The following IQSEC1 variants were observed in gnomAD, a reference collection of about 807,000 sequenced individuals.
IQSEC1 encodes IQ motif and Sec7 domain ArfGEF 1.
A neutral mutation model predicts 91.0 loss-of-function variants in IQSEC1; 31 were observed. The ratio of observed to expected loss-of-function variants is 0.34; its 90% CI spans 0.26 to 0.46. The LOEUF (loss-of-function observed/expected upper bound fraction) is 0.46. IQSEC1 is among the 20% of genes least tolerant of loss of function. The pLI is 1.00. For synonymous variants in IQSEC1, 699 were observed against 662.6 expected (o/e 1.05, Z -0.84); for missense variants, 1,388 against 1,575.6 (o/e 0.88, Z 2.02).
At chr3:13,276,056 G>C (rs891761454) in intron 1 of IQSEC1, among the ~76,000 whole-genome samples, 1 of 147,314 alleles carries the variant, frequency 6.8e-6, no homozygotes, top group African/African-American at 2.5e-5. Flanking sequence ...AAAACATTGA[G>C]GGAAAACAAT....
chr3:13,102,820 C>T (rs531653161), intron 2 of IQSEC1, among the ~76,000 whole-genome samples: 59 of 152,156 alleles, frequency 3.9e-4, no homozygotes, highest in Non-Finnish European at 6.9e-4. Flanking sequence ...CTGAGCACAG[C>T]TCGTTCACGG....
At chr3:13,236,915 G>C (rs2125097539) in intron 1 of IQSEC1, among the ~76,000 whole-genome samples, 2 of 152,338 alleles carry the variant, frequency 1.3e-5, no homozygotes, top group South Asian at 4.1e-4. Context: ...CTCCAGCCAG[G>C]TTTTGAAGGC....
At chr3:12,978,943 G>A (rs1252503320) in intron 1 of IQSEC1, among the ~76,000 whole-genome samples, 2 of 152,292 alleles carry the variant, frequency 1.3e-5, no homozygotes, top group Middle Eastern at 3.4e-3. Context: ...GAAGTGGCAA[G>A]GGCAAAGGCT....
chr3:13,109,140 C>G (rs1255891732), intron 2 of IQSEC1, among the ~76,000 whole-genome samples: 2 of 152,228 alleles, frequency 1.3e-5, no homozygotes, highest in South Asian at 4.1e-4. Context: ...GGGTGGTGTA[C>G]AGGCATTACC....
Position 12,954,197 on chromosome 3 carries a change from C to T in IQSEC1, c.24-12332G>A, listed in dbSNP as rs1192113393. ...GTACCGTCAGCCTGCAGGGGCCAGGCCACACCCTCCACGGCTGCTGTGAGA... is the reference window on the plus strand; with the variant it reads ...GTACCGTCAGCCTGCAGGGGCCAGGTCACACCCTCCACGGCTGCTGTGAGA... On this transcript the variant is annotated intron_variant, in intron 1 of 13. Transcript: ENST00000613206. Among the ~76,000 whole-genome samples, 4 of 152,314 alleles carry T rather than the reference C, an allele frequency of 2.6e-5. No homozygotes were observed. In the East Asian group the frequency reaches 7.7e-4, roughly 29 times the overall value.
chr3:13,274,770 C>G (rs1293827984), intron 1 of IQSEC1, among the ~76,000 whole-genome samples: 1 of 152,258 alleles, frequency 6.6e-6, no homozygotes, highest in Non-Finnish European at 1.5e-5. Flanking sequence ...CCCAAGCACA[C>G]TGGCACCCAC....
In IQSEC1 at chr3:13,191,604, T is replaced by C. The variant is rs375995846; in HGVS notation, c.273-27471A>G. Among the ~76,000 whole-genome samples, 172 of 151,494 alleles carry C rather than the reference T, an allele frequency of 1.1e-3. 5 individuals carry two copies. In the South Asian group the frequency reaches 0.035, roughly 30 times the overall value. The stretch of plus-strand genomic sequence containing the variant: ...CACCTGCCTCTGCCTCTCAAAGTGC[T>C]GGGATTACAGGCAATTACAGTTTGC... On this transcript the variant is annotated intron_variant, in intron 1 of 15. Coordinates refer to the IQSEC1 transcript ENST00000648114.
intron 7 of IQSEC1, among the ~76,000 whole-genome samples, 188 bp from the exon 8 acceptor site, chr3:12,915,321 C>T (rs1335286814): frequency 1.3e-5 from 2 of 152,224 alleles, no homozygotes; most frequent in Admixed American, 1.3e-4. Context: ...GGAAAGCCTG[C>T]CAGTGTCGGG....
intron 2 of IQSEC1, among the ~76,000 whole-genome samples, chr3:13,137,769 G>A (rs1706734372): frequency 6.6e-6 from 1 of 152,190 alleles, no homozygotes; most frequent in Non-Finnish European, 1.5e-5. Context: ...CCTGCAGTCA[G>A]CTATGATCAT....
chr3:13,271,293 C>T (rs1328068479), intron 1 of IQSEC1, among the ~76,000 whole-genome samples: 1 of 152,018 alleles, frequency 6.6e-6, no homozygotes, highest in Non-Finnish European at 1.5e-5. Flanking sequence ...AGGAGAATGG[C>T]ATGAACCCAG....
intron 2 of IQSEC1, among the ~76,000 whole-genome samples, chr3:13,163,392 C>T (rs1459514295): frequency 6.6e-6 from 1 of 152,206 alleles, no homozygotes; most frequent in African/African-American, 2.4e-5. Context: ...GGGCTCTTAA[C>T]TGCCTCCTGG....
chr3:13,009,727 T>C (rs1256945431), intron 1 of IQSEC1, among the ~76,000 whole-genome samples: 1 of 152,084 alleles, frequency 6.6e-6, no homozygotes, highest in African/African-American at 2.4e-5. Flanking sequence ...AGATATCTTA[T>C]CTATATAAGG....
chr3:12,914,919 G>A (rs1183886361), intron 8 of IQSEC1, among the ~76,000 whole-genome samples, 185 bp downstream of exon 8: 1 of 152,062 alleles, frequency 6.6e-6, no homozygotes, highest in Non-Finnish European at 1.5e-5. Context: ...TGACAGCACA[G>A]CCTCAGGGCC....
intron 1 of IQSEC1, among the ~76,000 whole-genome samples, chr3:13,281,788 G>C (rs966470912): frequency 2.0e-5 from 3 of 152,210 alleles, no homozygotes; most frequent in African/African-American, 7.2e-5. Flanking sequence ...ACCACACAGT[G>C]ATTTCTAGTC....
In IQSEC1 at chr3:12,899,352, T is replaced by TG. The variant is rs1559589781; in HGVS notation, c.*1630dup. ...CGCCCTTTCTGAAAGGGCCTCCGCC[T>TG]GGGCAGGCGCCGGGGGGCAGTCCTC... On this transcript the variant is annotated 3_prime_UTR_variant, in exon 14 of 14. Transcript: ENST00000613206. The TG allele has an allele frequency of 6.2e-7, 1 of 1,610,016 alleles. No individual in the cohort carries two copies. Among genetic ancestry groups the TG allele is most frequent in the Non-Finnish European group, 8.5e-7 (1 of 1,178,102 alleles).
chr3:13,240,454 G>T (rs1476937939), intron 1 of IQSEC1, among the ~76,000 whole-genome samples: 1 of 152,192 alleles, frequency 6.6e-6, no homozygotes, highest in Non-Finnish European at 1.5e-5. Context: ...CAGGGGAACA[G>T]ACCAAGCCAA....
chr3:13,040,500 C>A (rs1024755926), intron 1 of IQSEC1, among the ~76,000 whole-genome samples: 7 of 152,212 alleles, frequency 4.6e-5, no homozygotes, highest in African/African-American at 1.7e-4. Flanking sequence ...AGCGCTCTCA[C>A]GGGTTCCTCC....
At chr3:13,091,459 C>T (rs575586606) in intron 2 of IQSEC1, among the ~76,000 whole-genome samples, 2 of 152,332 alleles carry the variant, frequency 1.3e-5, no homozygotes, top group East Asian at 3.9e-4. Flanking sequence ...TGTTGCTGGG[C>T]CTTTGACTTG....
At chr3:13,094,681 G>A (rs1404398130) in intron 2 of IQSEC1, among the ~76,000 whole-genome samples, 5 of 152,116 alleles carry the variant, frequency 3.3e-5, no homozygotes, top group Non-Finnish European at 7.4e-5. Flanking sequence ...CAGGAGTATG[G>A]CCTGTTCCTG....
Sources: gnomAD v4.1 joint callset for allele counts (sites outside exome capture counted in the v4.1 genomes callset) on GRCh38, gnomAD v4.1.1 for gene constraint, MANE v1.5 for transcripts, NCBI Gene and HGNC (gene_info 2026-07-23, HGNC 2026-07-21) for gene names.